ASTN2: variants seen among roughly 807,000 people sequenced by gnomAD.
ASTN2 encodes astrotactin-2.
ASTN2 carries 54 observed loss-of-function variants against 139.8 expected under a neutral mutation model. The observed-to-expected ratio is 0.39, with a 90% CI of 0.31 to 0.48. ASTN2 has a LOEUF of 0.48. Ranked by LOEUF, ASTN2 falls within the 20% of genes least tolerant of loss-of-function variation. ASTN2 has a pLI of 0.95. For missense variants in ASTN2, 1,565 were observed against 1,725.1 expected, an observed-to-expected ratio of 0.91 and a Z score of 1.64; for synonymous variants, 756 against 719.5, an observed-to-expected ratio of 1.05 and a Z score of -0.81.
At chr9:116,913,143 A>T (rs1259736073) in intron 10 of ASTN2, among the ~76,000 whole-genome samples, 4 of 152,102 alleles carry the variant, frequency 2.6e-5, no homozygotes, top group Non-Finnish European at 5.9e-5. Flanking sequence ...ACCTCAAGTG[A>T]TCCACCCACT....
intron 11 of ASTN2, among the ~76,000 whole-genome samples, chr9:116,834,796 C>T (rs149724246): frequency 6.6e-6 from 1 of 152,256 alleles, no homozygotes; most frequent in East Asian, 1.9e-4. Flanking sequence ...GCCCGTAATC[C>T]CAGCACATTG....
At chr9:116,921,541 T>C (rs529134737) in intron 10 of ASTN2, among the ~76,000 whole-genome samples, 49 of 149,330 alleles carry the variant, frequency 3.3e-4, no homozygotes, top group African/African-American at 1.1e-3. Context: ...TGAGCCGAGA[T>C]TGGACCACTG....
intron 5 of ASTN2, among the ~76,000 whole-genome samples, chr9:117,049,343 G>A (rs1838847169): frequency 6.6e-6 from 1 of 152,042 alleles, no homozygotes; most frequent in East Asian, 1.9e-4. Flanking sequence ...TATATATCTG[G>A]TATTAAAATC....
chr9:116,538,144 G>T (rs978604903), intron 19 of ASTN2, among the ~76,000 whole-genome samples: 1 of 152,046 alleles, frequency 6.6e-6, no homozygotes, highest in Non-Finnish European at 1.5e-5. Context: ...AAGAGCTATG[G>T]TCCCCATTCC....
intron 5 of ASTN2, among the ~76,000 whole-genome samples, chr9:117,048,646 G>C (rs1838816293): frequency 6.6e-6 from 1 of 152,222 alleles, no homozygotes; most frequent in Non-Finnish European, 1.5e-5. Flanking sequence ...TGGTGTTAGA[G>C]ATGAAGATGA....
At chr9:116,835,223 C>T (rs1309737639) in intron 11 of ASTN2, among the ~76,000 whole-genome samples, 2 of 152,050 alleles carry the variant, frequency 1.3e-5, no homozygotes, top group Non-Finnish European at 2.9e-5. Flanking sequence ...GAGTCATGCC[C>T]TACAAATCAT....
intron 10 of ASTN2, among the ~76,000 whole-genome samples, chr9:116,931,879 C>A (rs1450365650): frequency 2.0e-5 from 3 of 151,984 alleles, no homozygotes; most frequent in Non-Finnish European, 4.4e-5. Flanking sequence ...AAGAGAAATC[C>A]AGGTAAATGA....
chr9:116,478,548 C>T (rs989685324), intron 20 of ASTN2, among the ~76,000 whole-genome samples: 2 of 152,114 alleles, frequency 1.3e-5, no homozygotes, highest in Non-Finnish European at 2.9e-5. Context: ...TGTGGCCTGA[C>T]AGGCCCACTG....
intron 6 of ASTN2, among the ~76,000 whole-genome samples, chr9:117,027,281 A>T (rs1838115733): frequency 6.6e-6 from 1 of 152,074 alleles, no homozygotes; most frequent in African/African-American, 2.4e-5. Flanking sequence ...GGTATGTCTG[A>T]CTCCACAGCC....
chr9:117,203,394 A>T (rs1395744367), intron 3 of ASTN2, among the ~76,000 whole-genome samples: 1 of 151,972 alleles, frequency 6.6e-6, no homozygotes, highest in African/African-American at 2.4e-5. Context: ...AGATGTGGTG[A>T]TCATGTTGAG....
At chr9:116,729,722 A>G (rs1828728123) in intron 14 of ASTN2, among the ~76,000 whole-genome samples, 1 of 152,266 alleles carries the variant, frequency 6.6e-6, no homozygotes, top group African/African-American at 2.4e-5. Flanking sequence ...ATGGATGTTC[A>G]TAAGTATTAT....
chr9:116,914,547 T>TTTATTATTATTATTA (rs144153990), intron 10 of ASTN2, among the ~76,000 whole-genome samples: 529 of 146,902 alleles, frequency 3.6e-3, no homozygotes, highest in African/African-American at 0.013. Context: ...TGTAAAGTGT[T>TTTATTATTATTATTA]TTATTATTAT....
intron 19 of ASTN2, among the ~76,000 whole-genome samples, chr9:116,564,639 T>C (rs1462575461): frequency 6.6e-6 from 1 of 152,212 alleles, no homozygotes; most frequent in African/African-American, 2.4e-5. Flanking sequence ...AATCCTTCAC[T>C]TCTTGGCTGA....
At chr9:117,201,825 G>A (rs910990556) in intron 3 of ASTN2, among the ~76,000 whole-genome samples, 2 of 152,010 alleles carry the variant, frequency 1.3e-5, no homozygotes, top group Admixed American at 1.3e-4. Flanking sequence ...GCTGATTTGG[G>A]GTACAGAATT....
Position 117,095,912 on chromosome 9 carries a change from T to C in ASTN2, c.1276+132A>G, listed in dbSNP as rs1029662220. 6.7e-6 allele frequency: 5 copies of C among 743,270 alleles called. No individual in the cohort carries two copies. In the South Asian group the frequency reaches 8.8e-5, roughly 13 times the overall value. The allele number at this position is 743,270 out of a possible 1,614,324, so 46.0% of individuals were successfully genotyped here. A position where few individuals can be genotyped will look rare whatever the true frequency, so the allele number is the denominator to read the frequency against. ...TCACCCATATAGCCAGGGCAACAGATACTAAGCTCAGTTTTAACCAGATGG... is the reference window on the plus strand; with the variant it reads ...TCACCCATATAGCCAGGGCAACAGACACTAAGCTCAGTTTTAACCAGATGG... On this transcript the variant is annotated intron_variant, in intron 5 of 22. Transcript: ENST00000313400.
At chr9:116,794,603 G>C (rs1278766065) in intron 13 of ASTN2, among the ~76,000 whole-genome samples, 1 of 152,160 alleles carries the variant, frequency 6.6e-6, no homozygotes, top group Non-Finnish European at 1.5e-5. Context: ...TTTACACGCT[G>C]TGTGGCCTTG....
chr9:116,948,664 C>T (rs1835464906), intron 10 of ASTN2, among the ~76,000 whole-genome samples: 1 of 145,712 alleles, frequency 6.9e-6, no homozygotes, highest in Non-Finnish European at 1.5e-5. Context: ...GTCCTTGAGC[C>T]CTTTCAGTAG....
chr9:116,590,988 C>T (rs764220046), intron 19 of ASTN2, among the ~76,000 whole-genome samples: 21 of 152,180 alleles, frequency 1.4e-4, no homozygotes, highest in African/African-American at 2.2e-4. Context: ...TCCTCTTTGC[C>T]GTGCTCACCC....
At chr9:116,832,545 T>C (rs1046586848) in intron 11 of ASTN2, among the ~76,000 whole-genome samples, 1 of 152,108 alleles carries the variant, frequency 6.6e-6, no homozygotes, top group Non-Finnish European at 1.5e-5. Flanking sequence ...TCTTATTTTT[T>C]TTTTGAAAGT....
Sources: gnomAD v4.1 joint callset for allele counts (sites outside exome capture counted in the v4.1 genomes callset) on GRCh38, gnomAD v4.1.1 for gene constraint, MANE v1.5 for transcripts, NCBI Gene and HGNC (gene_info 2026-07-23, HGNC 2026-07-21) for gene names.